Variants in ACSM1 observed in about 807,000 individuals in gnomAD.
The protein encoded by ACSM1 is acyl-coenzyme A synthetase ACSM1, mitochondrial.
Under a neutral mutation model 75.8 loss-of-function variants are expected in ACSM1, and 79 were observed. The observed-to-expected ratio is 1.04, with a 90% CI of 0.87 to 1.26. The LOEUF (loss-of-function observed/expected upper bound fraction) is 1.26, where lower values mean the gene tolerates loss of function less well. Among genes scored for constraint, ACSM1 ranks in the 50% most tolerant of loss-of-function variants. The pLI is 0.00. For synonymous variants in ACSM1, 279 were observed against 265.8 expected (o/e 1.05, Z -0.48); for missense variants, 676 against 720.1 (o/e 0.94, Z 0.70).
At chr16:20,635,045 G>A (rs189972671) in intron 10 of ACSM1, among the ~76,000 whole-genome samples, 2 of 152,064 alleles carry the variant, frequency 1.3e-5, no homozygotes, top group Admixed American at 6.6e-5. Context: ...TCATGGATAC[G>A]TAGGTGTGGG....
intron 7 of ACSM1, 67 bp from the exon 8 acceptor site, chr16:20,640,651 G>C: frequency 1.2e-6 from 2 of 1,606,346 alleles, no homozygotes; most frequent in South Asian, 1.1e-5. Flanking sequence ...GAGCTCTTAA[G>C]TCTGTCACCC....
chr16:20,671,785 G>C (rs1244361112), intron 4 of ACSM1, 114 bp from the exon 5 acceptor site: 11 of 1,212,996 alleles, frequency 9.1e-6, no homozygotes, highest in South Asian at 2.3e-5. Flanking sequence ...TGCAACACTA[G>C]AGGAAAACTG....
chr16:20,680,368 C>G (rs1283382722), intron 4 of ACSM1: 1 of 152,140 alleles, frequency 6.6e-6, no homozygotes. Context: ...TTTGGATAAG[C>G]CAGTGCCTGA....
chr16:20,675,125 G>T (rs1032980152), intron 4 of ACSM1, among the ~76,000 whole-genome samples: 3 of 152,156 alleles, frequency 2.0e-5, no homozygotes, highest in African/African-American at 7.2e-5. Flanking sequence ...CACCAGAGAG[G>T]TTCGTTTCCT....
At chr16:20,623,770 C>T (rs915956857) in intron 13 of ACSM1, among the ~76,000 whole-genome samples, 198 bp from the exon 14 acceptor site, 4 of 152,138 alleles carry the variant, frequency 2.6e-5, no homozygotes, top group Non-Finnish European at 4.4e-5. Context: ...TTGCTTTGAC[C>T]CAGGAGATGT....
chr16:20,634,106 G>A (rs2017512138), intron 10 of ACSM1, among the ~76,000 whole-genome samples: 1 of 152,152 alleles, frequency 6.6e-6, no homozygotes, highest in South Asian at 2.1e-4. Context: ...AAGTATAGGT[G>A]CCAAAACCAT....
chr16:20,628,606 C>T (rs554150645), intron 10 of ACSM1, among the ~76,000 whole-genome samples: 3 of 151,746 alleles, frequency 2.0e-5, no homozygotes, highest in South Asian at 4.2e-4. Flanking sequence ...CATGCACAAA[C>T]GGTTTGATCC....
At position 20,636,775 on chromosome 16, in the gene ACSM1, T is replaced by A; in HGVS notation, c.1263A>T (p.Lys421Asn). The change falls in exon 10 of 14, where the codon AAA (lysine) becomes AAT (asparagine). Residue 421 changes from lysine (K) to asparagine (N), a missense_variant. Transcript: ENST00000520010. ...NTEGNIGIRI[K>N]PVRPVSLFMC... Reference sequence around the variant, plus strand: ...TGAAGAGGCTCACAGGCCTGACAGGTTTGATTCTGATGCCAATGTTTCCTT... The same window carrying A: ...TGAAGAGGCTCACAGGCCTGACAGGATTGATTCTGATGCCAATGTTTCCTT... The A allele has an allele frequency of 6.2e-7, 1 of 1,613,562 alleles. No homozygotes were observed. Among genetic ancestry groups the A allele is most frequent in the South Asian group, 1.1e-5 (1 of 91,054 alleles).
At chr16:20,689,464 G>A (rs1008857749) in intron 2 of ACSM1, among the ~76,000 whole-genome samples, 1 of 151,888 alleles carries the variant, frequency 6.6e-6, no homozygotes, top group Non-Finnish European at 1.5e-5. Flanking sequence ...CCTGTCAGTA[G>A]TTACTTTAAA....
intron 7 of ACSM1, among the ~76,000 whole-genome samples, chr16:20,651,018 T>G (rs2018616017): frequency 6.8e-6 from 1 of 147,188 alleles, no homozygotes. Flanking sequence ...CTATGGGAAC[T>G]TTTTGTGTGT....
intron 2 of ACSM1, among the ~76,000 whole-genome samples, chr16:20,686,073 G>A (rs1456514503): frequency 6.6e-6 from 1 of 151,942 alleles, no homozygotes; most frequent in Non-Finnish European, 1.5e-5. Context: ...TTATTACCTA[G>A]AAAGTAGCAA....
chr16:20,630,500 C>A (rs2017281393), intron 10 of ACSM1, among the ~76,000 whole-genome samples: 1 of 152,074 alleles, frequency 6.6e-6, no homozygotes, highest in Non-Finnish European at 1.5e-5. Context: ...AAGCAATAAA[C>A]CTCAGAGCCC....
chr16:20,641,989 G>A (rs577834758), intron 7 of ACSM1, among the ~76,000 whole-genome samples: 3 of 152,216 alleles, frequency 2.0e-5, no homozygotes, highest in African/African-American at 4.8e-5. Flanking sequence ...AAGAGTGGGA[G>A]TGAAAGTTAG....
In ACSM1 at chr16:20,640,451, CA is replaced by C. The variant is rs2017980864; in HGVS notation, c.1116+9del. On this transcript the variant is annotated intron_variant, in intron 8 of 13. Transcript: ENST00000520010. ...CCTGTCTCAGACACTTTCTGGTTTG[CA>C]CCACCTACCGTTTCCGACTGCCCAT... The C allele has an allele frequency of 1.1e-5, 18 of 1,614,082 alleles. No individual in the cohort carries two copies. The highest frequency in any genetic ancestry group is 1.5e-5 in the Non-Finnish European group (18 of 1,179,948).
At chr16:20,660,771 G>A (rs1318408542) in intron 7 of ACSM1, among the ~76,000 whole-genome samples, 1 of 152,162 alleles carries the variant, frequency 6.6e-6, no homozygotes, top group Non-Finnish European at 1.5e-5. Flanking sequence ...TTCAATTTCA[G>A]AGTCCCTAAA....
At chr16:20,661,188 A>G (rs1300599259) in intron 7 of ACSM1, among the ~76,000 whole-genome samples, 3 of 152,174 alleles carry the variant, frequency 2.0e-5, no homozygotes, top group African/African-American at 7.2e-5. Flanking sequence ...GGTATAAGAA[A>G]TTGTGGTATT....
At chr16:20,637,033 A>C in intron 9 of ACSM1, 193 bp from the exon 10 acceptor site, 1 of 714,110 alleles carries the variant, frequency 1.4e-6, no homozygotes, top group South Asian at 1.5e-5. Context: ...TCTATGTTTC[A>C]TGAGTTAGTA....
intron 10 of ACSM1, among the ~76,000 whole-genome samples, chr16:20,635,624 C>A (rs1055246051): frequency 2.7e-5 from 3 of 111,590 alleles, no homozygotes; most frequent in South Asian, 3.2e-4. Context: ...TTCTTTCTTT[C>A]TTTCTTTCTT....
intron 11 of ACSM1, among the ~76,000 whole-genome samples, chr16:20,626,863 A>G (rs571370108): frequency 6.6e-6 from 1 of 152,280 alleles, no homozygotes; most frequent in South Asian, 2.1e-4. Flanking sequence ...TTAGAGGGGC[A>G]CAAACATGAA....
Sources: allele counts gnomAD v4.1 joint callset (sites outside exome capture counted in the v4.1 genomes callset), GRCh38; gene constraint gnomAD v4.1.1; transcripts MANE v1.5; gene names NCBI Gene and HGNC (gene_info 2026-07-23, HGNC 2026-07-21).